Variants in AMZ1 observed in about 807,000 individuals in gnomAD.
AMZ1 encodes the protein archaemetzincin-1.
A neutral mutation model predicts 29.9 loss-of-function variants in AMZ1; 39 were observed. The ratio of observed to expected loss-of-function variants is 1.30; its 90% confidence interval spans 1.01 to 1.70. The LOEUF is 1.70. AMZ1 is among the 40% of genes most tolerant of loss of function. AMZ1 has a pLI of 0.00. For synonymous variants in AMZ1, 458 were observed against 304.0 expected, an observed-to-expected ratio of 1.51 and a Z score of -5.27; for missense variants, 1,041 against 680.6, an observed-to-expected ratio of 1.53 and a Z score of -5.89.
chr7:2,733,878 C>A (rs908314528), intron 4 of AMZ1, among the ~76,000 whole-genome samples: 2 of 152,208 alleles, frequency 1.3e-5, no homozygotes, highest in Non-Finnish European at 2.9e-5. Context: ...TAGATTTTGG[C>A]TCCTGGGTAC....
intron 4 of AMZ1, among the ~76,000 whole-genome samples, chr7:2,741,045 A>AAAACAAAC (rs10603977): frequency 3.3e-5 from 5 of 151,286 alleles, no homozygotes; most frequent in South Asian, 2.1e-4. Context: ...ACTCCGTCTC[A>AAAACAAAC]AAACAAACAA....
chr7:2,725,018 G>A (rs2115254613), intron 4 of AMZ1, among the ~76,000 whole-genome samples: 1 of 152,240 alleles, frequency 6.6e-6, no homozygotes, highest in Non-Finnish European at 1.5e-5. Context: ...ACCCCTCACC[G>A]CACACAAACA....
intron 1 of AMZ1, among the ~76,000 whole-genome samples, chr7:2,688,838 C>T (rs1333432611): frequency 2.0e-5 from 3 of 152,172 alleles, no homozygotes; most frequent in Admixed American, 6.5e-5. Context: ...ATGATCCCTG[C>T]AGGGATGTAA....
At chr7:2,696,205 A>G (rs1787712113) in intron 1 of AMZ1, among the ~76,000 whole-genome samples, 1 of 151,764 alleles carries the variant, frequency 6.6e-6, no homozygotes, top group Non-Finnish European at 1.5e-5. Context: ...CTGAGGGTTA[A>G]AGCAATGAAG....
chr7:2,695,729 G>A (rs957352366), intron 1 of AMZ1, among the ~76,000 whole-genome samples: 12 of 151,102 alleles, frequency 7.9e-5, no homozygotes, highest in African/African-American at 2.9e-4. Context: ...AAGAAAAAAA[G>A]GCCGGGCGCA....
At chr7:2,753,260 C>T (rs957509596) in intron 4 of AMZ1, among the ~76,000 whole-genome samples, 2 of 152,058 alleles carry the variant, frequency 1.3e-5, no homozygotes, top group African/African-American at 2.4e-5. Context: ...CTCAAATGAT[C>T]CTCCTGCCTC....
chr7:2,688,318 A>C (rs1787172435), intron 1 of AMZ1, 22 bp downstream of exon 1: 1 of 150,526 alleles, frequency 6.6e-6, no homozygotes, highest in East Asian at 2.0e-4. Flanking sequence ...CGCGGGGAAG[A>C]CTCGGGGGCG....
rs1269657714 is a variant in AMZ1, at chr7:2,718,858, A to AC, written c.*5982dup. ...CTCTGGGAACAGGGGAGTCACAGAA[A>AC]CCACGGGAAACGGAGTGGGTTGGAA... On this transcript the variant is annotated 3_prime_UTR_variant, in exon 7 of 7. Transcript: ENST00000683327. Among the ~76,000 whole-genome samples, 1 of 152,076 alleles carries AC rather than the reference A, an allele frequency of 6.6e-6. No homozygotes were observed. Among genetic ancestry groups the AC allele is most frequent in the Non-Finnish European group, 1.5e-5 (1 of 68,012 alleles).
rs375571217 is a variant in AMZ1, at chr7:2,697,148, G to C, written c.-218-3086G>C. ...GACAGAGCCTTGCTGCAATGCCCAAGCTGGAGTGCAATGGCGCAATCTCGG... is the reference window on the plus strand; with the variant it reads ...GACAGAGCCTTGCTGCAATGCCCAACCTGGAGTGCAATGGCGCAATCTCGG... On this transcript the variant is annotated intron_variant, in intron 1 of 6. Transcript: ENST00000683327. 1.2e-4 allele frequency among the ~76,000 whole-genome samples: 18 copies of C among 152,302 alleles called. No homozygotes were observed. In the East Asian group the frequency reaches 1.5e-3, roughly 13 times the overall value.
intron 4 of AMZ1, among the ~76,000 whole-genome samples, chr7:2,735,002 G>C (rs978913261): frequency 1.3e-5 from 2 of 152,208 alleles, no homozygotes; most frequent in African/African-American, 4.8e-5. Flanking sequence ...CGTGAGGCCG[G>C]TGGGGCAGCC....
intron 4 of AMZ1, among the ~76,000 whole-genome samples, chr7:2,727,111 C>T (rs1299479732): frequency 5.3e-5 from 8 of 152,160 alleles, no homozygotes; most frequent in Non-Finnish European, 8.8e-5. Flanking sequence ...GAGACAGAGT[C>T]CCACTCTGTC....
intron 4 of AMZ1, among the ~76,000 whole-genome samples, chr7:2,751,903 A>T (rs947191435): frequency 6.6e-5 from 10 of 152,246 alleles, no homozygotes; most frequent in African/African-American, 2.4e-4. Context: ...CCAGGCCTAG[A>T]TGACCTCACT....
intron 1 of AMZ1, among the ~76,000 whole-genome samples, chr7:2,680,554 G>A (rs1268322489): frequency 6.6e-6 from 1 of 152,218 alleles, no homozygotes; most frequent in Non-Finnish European, 1.5e-5. Context: ...GGTTGCTGGA[G>A]ATGCCCAAGG....
At chr7:2,737,264 G>GTTTTTTTTTTTTTT (rs201866976) in intron 4 of AMZ1, among the ~76,000 whole-genome samples, 2 of 52,452 alleles carry the variant, frequency 3.8e-5, no homozygotes, top group Non-Finnish European at 4.0e-5. Context: ...CTATCTCACA[G>GTTTTTTTTTTTTTT]TTTTGTTTTG....
intron 4 of AMZ1, among the ~76,000 whole-genome samples, chr7:2,746,019 G>A (rs548615261): frequency 8.4e-4 from 128 of 152,228 alleles, no homozygotes; most frequent in African/African-American, 2.9e-3. Flanking sequence ...GATTCATAAA[G>A]CAAGTCCTGA....
chr7:2,702,895 T>A lies in AMZ1; in HGVS notation c.472+6T>A, dbSNP rs368763175. ...CAGGCTCCAGCTCCACACAGGTGAG[T>A]GAGGACGGCAGCCGCCGCTCAGGCC... On this transcript the variant is annotated splice_donor_region_variant and intron_variant, in intron 3 of 6. Transcript: ENST00000683327. The A allele has an allele frequency of 2.2e-4, 341 of 1,578,538 alleles. No individual in the cohort carries two copies. The highest frequency in any genetic ancestry group is 2.7e-4 in the Non-Finnish European group (318 of 1,169,222).
chr7:2,734,199 G>A (rs544700583), intron 4 of AMZ1, among the ~76,000 whole-genome samples: 40 of 152,310 alleles, frequency 2.6e-4, no homozygotes, highest in African/African-American at 9.1e-4. Context: ...GCGCTGAGCC[G>A]CCAAATGCGA....
At chr7:2,735,916 G>A (rs535129221) in intron 4 of AMZ1, among the ~76,000 whole-genome samples, 17 of 152,094 alleles carry the variant, frequency 1.1e-4, no homozygotes, top group Non-Finnish European at 1.8e-4. Context: ...GGGACACAGA[G>A]CAACCCTGTG....
Position 2,708,597 on chromosome 7 carries a change from T to C in AMZ1, c.482T>C (p.Leu161Pro), listed in dbSNP as rs769211377. The C allele has an allele frequency of 1.9e-6, 3 of 1,612,610 alleles. No individual in the cohort carries two copies. The highest frequency in any genetic ancestry group is 3.3e-5 in the Admixed American group (2 of 59,992). ...DRLQLHTDGI[L>P]SFLKNNKPGD... is the part of the protein sequence containing the mutation. Reference sequence around the variant, plus strand: ...GGCCCTCTCCCCGCAGACGGCATCCTGTCCTTCTTGAAGAACAACAAGCCA... The same window carrying C: ...GGCCCTCTCCCCGCAGACGGCATCCCGTCCTTCTTGAAGAACAACAAGCCA... Residue 161 changes from leucine to proline, a missense_variant, in exon 4 of 7, where the codon CTG becomes CCG. Physicochemically the swap from Leu to Pro is moderately conservative, Grantham distance 98. Transcript: ENST00000683327.
Sources: allele counts gnomAD v4.1 joint callset (sites outside exome capture counted in the v4.1 genomes callset), GRCh38; gene constraint gnomAD v4.1.1; transcripts MANE v1.5; gene names NCBI Gene and HGNC (gene_info 2026-07-23, HGNC 2026-07-21).